Variants in DOCK5 observed in about 807,000 individuals in gnomAD.
DOCK5 encodes dedicator of cytokinesis protein 5.
Under a neutral mutation model 251.8 loss-of-function variants are expected in DOCK5, and 142 were observed. The ratio of observed to expected loss-of-function variants is 0.56; its 90% CI spans 0.49 to 0.65. DOCK5 has a LOEUF of 0.65. Among genes scored for constraint, DOCK5 ranks in the 30% least tolerant of loss-of-function variants. DOCK5 has a pLI of 0.00. For missense variants in DOCK5, 2,111 were observed against 2,312.3 expected (o/e 0.91, Z 1.79); for synonymous variants, 842 against 835.5 (o/e 1.01, Z -0.13).
At chr8:25,384,822 A>G (rs1038924922) in intron 40 of DOCK5, among the ~76,000 whole-genome samples, 1 of 151,988 alleles carries the variant, frequency 6.6e-6, no homozygotes, top group Admixed American at 6.6e-5. Flanking sequence ...AATCCCAGCT[A>G]CTTGGGAAGC....
intron 1 of DOCK5, among the ~76,000 whole-genome samples, chr8:25,222,489 G>T (rs1385624281): frequency 6.6e-6 from 1 of 152,150 alleles, no homozygotes; most frequent in African/African-American, 2.4e-5. Flanking sequence ...GAGTAAAAGC[G>T]TGTGATATGC....
At chr8:25,312,869 G>A (rs1181804175) in intron 13 of DOCK5, among the ~76,000 whole-genome samples, 1 of 151,964 alleles carries the variant, frequency 6.6e-6, no homozygotes, top group Non-Finnish European at 1.5e-5. Context: ...GGCAGAGTTT[G>A]TAGTGAGGTG....
chr8:25,217,548 A>G (rs771621873), intron 1 of DOCK5, among the ~76,000 whole-genome samples: 23 of 152,152 alleles, frequency 1.5e-4, no homozygotes, highest in Non-Finnish European at 3.1e-4. Flanking sequence ...CATCAGGCAA[A>G]TAGAGTTGTT....
intron 25 of DOCK5, 177 bp from the exon 26 acceptor site, chr8:25,345,298 T>A (rs1586347699): frequency 1.6e-6 from 1 of 618,134 alleles, no homozygotes; most frequent in Non-Finnish European, 2.6e-6. Flanking sequence ...TGAACAAGGG[T>A]AAAGTTCCGT....
chr8:25,374,549 TCC>T lies in DOCK5; in HGVS notation c.3726-12_3726-11del, dbSNP rs752189645. On this transcript the variant is annotated splice_polypyrimidine_tract_variant and intron_variant, in intron 36 of 51. Coordinates refer to ENST00000276440, the MANE Select transcript of DOCK5 (RefSeq NM_024940.8). ...TCTCGAGTGACAAAATGCTTCCTTC[TCC>T]CCTTCTTGCCAGATATCTGTACAAG... 1 of 1,592,142 alleles carries T rather than the reference TCC, an allele frequency of 6.3e-7. No homozygotes were observed. The highest frequency in any genetic ancestry group is 2.2e-5 in the East Asian group (1 of 44,700).
intron 1 of DOCK5, among the ~76,000 whole-genome samples, chr8:25,196,461 A>G (rs1801728670): frequency 6.6e-6 from 1 of 152,266 alleles, no homozygotes; most frequent in African/African-American, 2.4e-5. Context: ...TAATTAAATA[A>G]AAAATCTGAG....
intron 10 of DOCK5, among the ~76,000 whole-genome samples, chr8:25,302,676 A>G (rs962315455): frequency 6.6e-6 from 1 of 152,230 alleles, no homozygotes; most frequent in Non-Finnish European, 1.5e-5. Flanking sequence ...CCATCAGTGC[A>G]TAAATGGACT....
chr8:25,248,452 T>C (rs1358044578), intron 2 of DOCK5, among the ~76,000 whole-genome samples: 1 of 152,134 alleles, frequency 6.6e-6, no homozygotes, highest in South Asian at 2.1e-4. Flanking sequence ...ACACTGGCAC[T>C]GTATTGTGGC....
At chr8:25,274,759 C>T (rs1803999166) in intron 3 of DOCK5, among the ~76,000 whole-genome samples, 1 of 152,048 alleles carries the variant, frequency 6.6e-6, no homozygotes, top group African/African-American at 2.4e-5. Flanking sequence ...TGTAGTTGAC[C>T]CGTGAAAAAT....
chr8:25,319,591 C>T lies in DOCK5; in HGVS notation c.1457C>T (p.Pro486Leu). The T allele has an allele frequency of 6.3e-7, 1 of 1,581,020 alleles. No homozygotes were observed. Among genetic ancestry groups the T allele is most frequent in the East Asian group, 2.3e-5 (1 of 43,786 alleles). ...EGKLLEKAIH[P>L]GAGYEGISEY... ...TTCCATCTGAAGAAAGCAATTCACC[C>T]TGGTGCTGGATATGAAGGCATTTCA... The change falls in exon 15 of 52, where the codon CCT becomes CTT. Residue 486 changes from proline to leucine, a missense_variant. Physicochemically the swap from Pro to Leu is moderately conservative, Grantham distance 98. Coordinates refer to ENST00000276440, the MANE Select transcript of DOCK5 (RefSeq NM_024940.8).
intron 48 of DOCK5, among the ~76,000 whole-genome samples, 190 bp downstream of exon 48, chr8:25,403,914 C>T (rs937417810): frequency 6.6e-6 from 1 of 152,060 alleles, no homozygotes; most frequent in Non-Finnish European, 1.5e-5. Context: ...AAGAAATCAC[C>T]CATAATCCTA....
At position 25,398,470 on chromosome 8, in the gene DOCK5, A is replaced by C. The variant is rs563464949; in HGVS notation, c.4705-1441A>C. ...AGGGCTGCTGTAACAAAGTTCTCCA[A>C]ACTGGGTGGCTTAAAACAACAAAAA... On this transcript the variant is annotated intron_variant, in intron 45 of 51. Transcript: ENST00000276440. 1.7e-3 allele frequency among the ~76,000 whole-genome samples: 257 copies of C among 152,250 alleles called. 1 individual carries two copies. The highest frequency in any genetic ancestry group is 3.9e-3 in the Admixed American group (59 of 15,298).
At chr8:25,238,355 C>A (rs1406206945) in intron 1 of DOCK5, among the ~76,000 whole-genome samples, 1 of 152,122 alleles carries the variant, frequency 6.6e-6, no homozygotes, top group Admixed American at 6.5e-5. Flanking sequence ...CCACTGTATA[C>A]AATTACTAAG....
chr8:25,414,276 A>G lies in DOCK5; in HGVS notation c.*2978A>G, dbSNP rs1801675752. 6.6e-6 allele frequency: 1 copy of G among 152,200 alleles called. No homozygotes were observed. The highest frequency in any genetic ancestry group is 2.4e-5 in the African/African-American group (1 of 41,458). The allele number at this position is 152,200 out of a possible 1,614,324, so 9.4% of individuals were successfully genotyped here. ...TGTGTTCAATGGAAACAGCCCCAGTATACAAAGACAGTTCACTCTGGTGTG... is the reference window on the plus strand; with the variant it reads ...TGTGTTCAATGGAAACAGCCCCAGTGTACAAAGACAGTTCACTCTGGTGTG... On this transcript the variant is annotated 3_prime_UTR_variant, in exon 52 of 52. Transcript: ENST00000276440.
chr8:25,361,273 G>GAAAAGTT (rs1444080876), intron 28 of DOCK5, among the ~76,000 whole-genome samples: 1 of 152,168 alleles, frequency 6.6e-6, no homozygotes, highest in African/African-American at 2.4e-5. Flanking sequence ...GGATTTAGAA[G>GAAAAGTT]AAAAGTTAAC....
intron 2 of DOCK5, among the ~76,000 whole-genome samples, chr8:25,266,645 C>T (rs1049560667): frequency 4.6e-5 from 7 of 151,744 alleles, no homozygotes; most frequent in Non-Finnish European, 1.0e-4. Flanking sequence ...GAACTATTAC[C>T]ATATTCTGTG....
At chr8:25,384,471 T>A (rs200928887) in intron 40 of DOCK5, among the ~76,000 whole-genome samples, 6 of 26,828 alleles carry the variant, frequency 2.2e-4, no homozygotes, top group South Asian at 1.4e-3. Flanking sequence ...TTATTTTTTT[T>A]TTTTTTGAGA....
intron 30 of DOCK5, among the ~76,000 whole-genome samples, chr8:25,364,995 G>T (rs1395429994): frequency 6.6e-6 from 1 of 152,184 alleles, no homozygotes; most frequent in Non-Finnish European, 1.5e-5. Context: ...AACATTTGGA[G>T]TTGACCCTTT....
At position 25,266,383 on chromosome 8, in the gene DOCK5, T is replaced by A. The variant is rs1284879856; in HGVS notation, c.128-2462T>A. On this transcript the variant is annotated intron_variant, in intron 2 of 51. Coordinates refer to ENST00000276440, the MANE Select transcript of DOCK5 (RefSeq NM_024940.8). ...GGCACCCGCCACCACGCCCGGCTAA[T>A]TTTTTGTATTTTTAGTAGAGACGGG... Among the ~76,000 whole-genome samples the A allele has an allele frequency of 2.0e-5, 3 of 151,014 alleles. No homozygotes were observed. The South Asian group carries it at 6.2e-4, about 31-fold the overall frequency.
Sources: gnomAD v4.1 joint callset for allele counts (sites outside exome capture counted in the v4.1 genomes callset) on GRCh38, gnomAD v4.1.1 for gene constraint, MANE v1.5 for transcripts, NCBI Gene and HGNC (gene_info 2026-07-23, HGNC 2026-07-21) for gene names.